ADAMTSL1: variants seen among roughly 807,000 people sequenced by gnomAD.
ADAMTSL1 encodes ADAMTS-like protein 1.
ADAMTSL1 carries 126 observed loss-of-function variants against 201.8 expected under a neutral mutation model. The ratio of observed to expected loss-of-function variants is 0.62; its 90% CI spans 0.54 to 0.72. The LOEUF (loss-of-function observed/expected upper bound fraction) is 0.72. ADAMTSL1 is among the 30% of genes least tolerant of loss of function. ADAMTSL1 has a pLI of 0.00. For missense variants in ADAMTSL1, 2,679 were observed against 2,277.8 expected, an observed-to-expected ratio of 1.18 and a Z score of -3.59; for synonymous variants, 1,121 against 903.4, an observed-to-expected ratio of 1.24 and a Z score of -4.32.
chr9:18,804,002 G>GTTTTTGC (rs1174228378), intron 20 of ADAMTSL1, among the ~76,000 whole-genome samples: 3 of 152,166 alleles, frequency 2.0e-5, no homozygotes, highest in African/African-American at 7.2e-5. Flanking sequence ...TCTAGGGAAA[G>GTTTTTGC]TTTTTGCTTC....
At chr9:18,783,373 TC>T (rs1305513353) in intron 19 of ADAMTSL1, among the ~76,000 whole-genome samples, 2 of 152,148 alleles carry the variant, frequency 1.3e-5, no homozygotes, top group African/African-American at 4.8e-5. Flanking sequence ...GAATGTAGAC[TC>T]CCACATCCTC....
chr9:18,183,276 C>G (rs1441907418), intron 2 of ADAMTSL1, among the ~76,000 whole-genome samples: 1 of 152,068 alleles, frequency 6.6e-6, no homozygotes, highest in Admixed American at 6.6e-5. Context: ...CTAAAAAATT[C>G]TTAGAAGATA....
chr9:18,742,151 A>G (rs1168934117), intron 15 of ADAMTSL1, among the ~76,000 whole-genome samples: 2 of 152,178 alleles, frequency 1.3e-5, no homozygotes, highest in African/African-American at 2.4e-5. Context: ...TAACTTAATT[A>G]TCTCCATAAA....
chr9:18,845,184 C>A (rs1352471866), intron 23 of ADAMTSL1, among the ~76,000 whole-genome samples: 1 of 152,224 alleles, frequency 6.6e-6, no homozygotes, highest in Non-Finnish European at 1.5e-5. Flanking sequence ...CATCTTGGCT[C>A]AAGTGTCGGC....
At chr9:18,523,185 T>G (rs7469307) in intron 2 of ADAMTSL1, among the ~76,000 whole-genome samples, 6,867 of 152,326 alleles carry the variant, frequency 0.045, 410 homozygotes, top group African/African-American at 0.14. Flanking sequence ...ATTTCTCTGA[T>G]GGCCAGTGAT....
chr9:18,065,174 G>A (rs1822638944), intron 1 of ADAMTSL1, among the ~76,000 whole-genome samples: 1 of 151,862 alleles, frequency 6.6e-6, no homozygotes, highest in Non-Finnish European at 1.5e-5. Context: ...ATGAAACCTG[G>A]CTCTATATAC....
chr9:18,305,937 T>G (rs1323305216), intron 2 of ADAMTSL1, among the ~76,000 whole-genome samples: 1 of 152,122 alleles, frequency 6.6e-6, no homozygotes, highest in Non-Finnish European at 1.5e-5. Context: ...CAGGGCTCAA[T>G]AGACACCTCA....
At chr9:18,278,809 G>A (rs759076672) in intron 2 of ADAMTSL1, among the ~76,000 whole-genome samples, 1 of 151,988 alleles carries the variant, frequency 6.6e-6, no homozygotes, top group East Asian at 1.9e-4. Flanking sequence ...TTGCTTAGTG[G>A]TGTCTCATAA....
At chr9:18,596,956 C>A (rs1400990844) in intron 4 of ADAMTSL1, among the ~76,000 whole-genome samples, 2 of 152,198 alleles carry the variant, frequency 1.3e-5, no homozygotes, top group Non-Finnish European at 2.9e-5. Flanking sequence ...ATTTTCTTCT[C>A]TTAGCACCTG....
chr9:18,309,875 G>T (rs911908652), intron 2 of ADAMTSL1, among the ~76,000 whole-genome samples: 5 of 150,926 alleles, frequency 3.3e-5, no homozygotes, highest in Admixed American at 2.6e-4. Context: ...AGCCCATATA[G>T]CCAAGACATT....
chr9:18,162,939 A>C (rs1827459483), intron 1 of ADAMTSL1, among the ~76,000 whole-genome samples: 1 of 152,020 alleles, frequency 6.6e-6, no homozygotes, highest in East Asian at 1.9e-4. Flanking sequence ...AAGGCATCAC[A>C]CTAAGCATTT....
intron 1 of ADAMTSL1, among the ~76,000 whole-genome samples, chr9:18,088,303 A>G (rs1272104694): frequency 6.6e-6 from 1 of 152,200 alleles, no homozygotes; most frequent in Non-Finnish European, 1.5e-5. Flanking sequence ...GTAGAAGAAA[A>G]CATAGAGGAA....
chr9:18,565,475 T>G lies in ADAMTSL1; in HGVS notation c.238-8555T>G, dbSNP rs148046591. On this transcript the variant is annotated intron_variant, in intron 3 of 28. Transcript: ENST00000380548. ...AAAAGTAAAAGAAATCTGTAAACCT[T>G]TTGCACCAGGAAAAAGAACAAAAGC... Among the ~76,000 whole-genome samples, 62 of 152,108 alleles carry G rather than the reference T, an allele frequency of 4.1e-4. 1 individual carries two copies. In the East Asian group the frequency reaches 9.5e-3, roughly 23 times the overall value.
intron 1 of ADAMTSL1, among the ~76,000 whole-genome samples, chr9:18,014,196 C>T (rs1027707889): frequency 3.9e-5 from 6 of 151,994 alleles, no homozygotes; most frequent in Non-Finnish European, 8.8e-5. Flanking sequence ...GGAAGTGCCC[C>T]CCATACACTT....
chr9:18,563,779 AG>A (rs1413252038), intron 3 of ADAMTSL1, among the ~76,000 whole-genome samples: 1 of 152,178 alleles, frequency 6.6e-6, no homozygotes. Context: ...GGCTCTGCCC[AG>A]TTCAAACCTC....
At chr9:18,725,215 C>T (rs1043774024) in intron 15 of ADAMTSL1, among the ~76,000 whole-genome samples, 7 of 152,230 alleles carry the variant, frequency 4.6e-5, no homozygotes, top group East Asian at 3.9e-4. Context: ...CAGGATTGAA[C>T]CTTTTATGTT....
intron 1 of ADAMTSL1, among the ~76,000 whole-genome samples, chr9:17,908,791 G>T (rs368107330): frequency 1.1e-4 from 16 of 152,274 alleles, no homozygotes; most frequent in African/African-American, 3.9e-4. Flanking sequence ...ATGGCCCCAT[G>T]TGTCTTTATA....
In ADAMTSL1 at chr9:18,574,160, G is replaced by T; in HGVS notation, c.368G>T (p.Cys123Phe). 1.2e-6 allele frequency: 2 copies of T among 1,614,136 alleles called. No homozygotes were observed. Among genetic ancestry groups the T allele is most frequent in the Non-Finnish European group, 1.7e-6 (2 of 1,180,010 alleles). The stretch of plus-strand genomic sequence containing the variant: ...CCTGACAACCCATGTTCACTCAAGT[G>T]CCAAGCCAAAGGAACAACCCTGGTT... The part of the protein sequence containing the change: ...NDPDNPCSLK[C>F]QAKGTTLVVE... The change falls in exon 4 of 29, where the codon TGC becomes TTC. Residue 123 changes from cysteine (C) to phenylalanine (F), a missense_variant. Coordinates refer to ENST00000380548, the MANE Select transcript of ADAMTSL1 (RefSeq NM_001040272.6).
chr9:18,662,843 TTGC>T (rs1829187702), intron 9 of ADAMTSL1, among the ~76,000 whole-genome samples: 1 of 152,186 alleles, frequency 6.6e-6, no homozygotes, highest in African/African-American at 2.4e-5. Context: ...GTCACAATAC[TTGC>T]TGGTGATTCT....
Sources: allele counts gnomAD v4.1 joint callset (sites outside exome capture counted in the v4.1 genomes callset), GRCh38; gene constraint gnomAD v4.1.1; transcripts MANE v1.5; gene names NCBI Gene and HGNC (gene_info 2026-07-23, HGNC 2026-07-21).